The following NTRK2 variants were observed in gnomAD, a reference collection of about 807,000 sequenced individuals.
NTRK2 encodes neurotrophic receptor tyrosine kinase 2, also known as BDNF/NT-3 growth factors receptor.
In NTRK2, 13 loss-of-function variants were observed where a neutral mutation model predicts 94.5. That is an observed-to-expected ratio of 0.14 (90% CI 0.09 to 0.22). NTRK2 has a LOEUF of 0.22. Among genes scored for constraint, NTRK2 ranks in the 10% least tolerant of loss-of-function variants. NTRK2 has a pLI of 1.00. For missense variants in NTRK2, 639 were observed against 1,071.2 expected (o/e 0.60, Z 5.63); for synonymous variants, 372 against 407.4 (o/e 0.91, Z 1.05).
intron 6 of NTRK2, among the ~76,000 whole-genome samples, chr9:84,723,231 A>T (rs940521027): frequency 6.6e-6 from 1 of 152,242 alleles, no homozygotes; most frequent in African/African-American, 2.4e-5. Context: ...CCTTATGTAC[A>T]ATCTCTGTTT....
intron 1 of NTRK2, 125 bp downstream of exon 1, chr9:84,670,013 G>T (rs1347397232): frequency 6.4e-6 from 1 of 157,222 alleles, no homozygotes; most frequent in Non-Finnish European, 1.4e-5. Context: ...CCCAGCGGCC[G>T]TGGCGGATTC....
intron 12 of NTRK2, among the ~76,000 whole-genome samples, chr9:84,799,465 C>T (rs932797832): frequency 6.6e-6 from 1 of 152,120 alleles, no homozygotes; most frequent in African/African-American, 2.4e-5. Context: ...ATGGTTATTT[C>T]AGCTCTAGGT....
intron 12 of NTRK2, chr9:84,814,648 ACTT>A: frequency 9.4e-7 from 1 of 1,065,472 alleles, no homozygotes; most frequent in Non-Finnish European, 1.1e-6. Context: ...GCTGTCTAGA[ACTT>A]CTCTCTTGGT....
intron 17 of NTRK2, among the ~76,000 whole-genome samples, chr9:85,007,813 T>C (rs189071500): frequency 1.3e-5 from 2 of 152,318 alleles, no homozygotes; most frequent in Non-Finnish European, 2.9e-5. Context: ...AGCTTGTGAT[T>C]CACTGTGGCT....
intron 14 of NTRK2, among the ~76,000 whole-genome samples, chr9:84,924,195 T>C (rs551436716): frequency 1.4e-5 from 2 of 146,832 alleles, no homozygotes; most frequent in South Asian, 2.1e-4. Context: ...CCAGCCTGTA[T>C]GACAGAGTGA....
intron 17 of NTRK2, among the ~76,000 whole-genome samples, chr9:84,974,447 A>G (rs1826561412): frequency 6.6e-6 from 1 of 152,208 alleles, no homozygotes; most frequent in African/African-American, 2.4e-5. Context: ...TATAGATCTC[A>G]GTTTTATAGA....
At chr9:84,918,608 T>C (rs936137512) in intron 14 of NTRK2, among the ~76,000 whole-genome samples, 5 of 152,046 alleles carry the variant, frequency 3.3e-5, no homozygotes, top group African/African-American at 4.8e-5. Flanking sequence ...AATTTATATG[T>C]TTTTTAACAA....
At chr9:84,734,597 T>C (rs1169733208) in intron 9 of NTRK2, among the ~76,000 whole-genome samples, 1 of 152,212 alleles carries the variant, frequency 6.6e-6, no homozygotes, top group African/African-American at 2.4e-5. Flanking sequence ...GGTAATTGAA[T>C]CATGGGGTGG....
chr9:84,813,819 A>G lies in NTRK2; in HGVS notation c.1397-47221A>G. On this transcript the variant is annotated intron_variant, in intron 12 of 18. Transcript: ENST00000277120. ...AGGTGCTGCCAGGTTTAGATAGGAA[A>G]GTACATGTCCCATTTTCATGGGTGC... is the stretch of plus-strand genomic sequence containing the variant. 2.8e-6 allele frequency: 3 copies of G among 1,065,866 alleles called. No individual in the cohort carries two copies. In the South Asian group the frequency reaches 1.4e-4, roughly 48 times the overall value. The allele number at this position is 1,065,866 out of a possible 1,614,324, so 66.0% of individuals were successfully genotyped here. A position where few individuals can be genotyped will look rare whatever the true frequency, so the allele number is the denominator to read the frequency against.
At chr9:84,992,891 A>G (rs1203249625) in intron 17 of NTRK2, among the ~76,000 whole-genome samples, 1 of 115,322 alleles carries the variant, frequency 8.7e-6, no homozygotes, top group Non-Finnish European at 1.9e-5. Context: ...ATTAGTTCAA[A>G]GTAAAGAGTT....
intron 12 of NTRK2, among the ~76,000 whole-genome samples, chr9:84,839,793 G>T (rs114160624): frequency 3.9e-5 from 6 of 152,202 alleles, no homozygotes; most frequent in African/African-American, 1.4e-4. Context: ...AACAGGCAGC[G>T]TGTGAGGAGT....
intron 12 of NTRK2, among the ~76,000 whole-genome samples, chr9:84,799,529 C>T (rs1022867070): frequency 4.0e-5 from 6 of 151,770 alleles, no homozygotes; most frequent in African/African-American, 9.7e-5. Flanking sequence ...AGATAATCAT[C>T]TGTTATTTTA....
At chr9:84,773,573 T>TTC (rs1300292418) in intron 12 of NTRK2, among the ~76,000 whole-genome samples, 1 of 150,988 alleles carries the variant, frequency 6.6e-6, no homozygotes, top group Non-Finnish European at 1.5e-5. Context: ...CTCCTCTCTT[T>TTC]TCTCTCTCTC....
Position 85,022,578 on chromosome 9 carries a change from G to A in NTRK2, c.*1141G>A, listed in dbSNP as rs540020098. On this transcript the variant is annotated 3_prime_UTR_variant, in exon 19 of 19. Coordinates refer to ENST00000277120, the MANE Select transcript of NTRK2 (RefSeq NM_006180.6). ...AACTTTTCAGATCTCACTTCCCTCC[G>A]ACCCCTAACTTCCATGCCCACCCGT... 3 of 233,126 alleles carry A rather than the reference G, an allele frequency of 1.3e-5. No homozygotes were observed. Among genetic ancestry groups the A allele is most frequent in the East Asian group, 6.0e-5 (1 of 16,580 alleles). The allele number at this position is 233,126 out of a possible 1,614,324, so 14.4% of individuals were successfully genotyped here.
intron 14 of NTRK2, among the ~76,000 whole-genome samples, chr9:84,901,199 G>GTTTTA (rs550196757): frequency 0.12 from 15,875 of 131,168 alleles, 1,164 homozygotes; most frequent in East Asian, 0.22. Context: ...GTTTTGTTTT[G>GTTTTA]TTTTGTTTTA....
At chr9:84,798,434 A>T (rs1023863011) in intron 12 of NTRK2, among the ~76,000 whole-genome samples, 4 of 152,200 alleles carry the variant, frequency 2.6e-5, no homozygotes, top group African/African-American at 9.7e-5. Context: ...GTCATGAAAG[A>T]TGGTCTCACC....
At chr9:84,988,782 A>G (rs1828683368) in intron 17 of NTRK2, among the ~76,000 whole-genome samples, 1 of 152,238 alleles carries the variant, frequency 6.6e-6, no homozygotes, top group Non-Finnish European at 1.5e-5. Context: ...GGCAGCCCAC[A>G]AAGTCAGCCA....
intron 6 of NTRK2, among the ~76,000 whole-genome samples, chr9:84,712,608 C>A (rs550560998): frequency 6.6e-6 from 1 of 152,000 alleles, no homozygotes; most frequent in East Asian, 1.9e-4. Context: ...TTTTTCCTAT[C>A]GTTTTTGTGT....
chr9:84,971,844 G>C (rs1826221455), intron 17 of NTRK2, among the ~76,000 whole-genome samples: 1 of 152,118 alleles, frequency 6.6e-6, no homozygotes, highest in Non-Finnish European at 1.5e-5. Context: ...AGGCAAAATT[G>C]CAGGACCTGG....
Sources: gnomAD v4.1 joint callset for allele counts (sites outside exome capture counted in the v4.1 genomes callset) on GRCh38, gnomAD v4.1.1 for gene constraint, MANE v1.5 for transcripts, NCBI Gene and HGNC (gene_info 2026-07-23, HGNC 2026-07-21) for gene names.